CHMP4B: variants seen among roughly 807,000 people sequenced by gnomAD.
CHMP4B encodes SNF7 homolog associated with Alix 1.
CHMP4B carries 1 observed loss-of-function variant against 25.1 expected under a neutral mutation model. That is an observed-to-expected ratio of 0.04 (90% CI 0.01 to 0.19). The LOEUF (loss-of-function observed/expected upper bound fraction) is 0.19, where lower values mean the gene tolerates loss of function less well. CHMP4B is among the 10% of genes least tolerant of loss of function. The pLI, the probability that CHMP4B is intolerant of heterozygous loss-of-function variation, is 1.00. For synonymous variants in CHMP4B, 101 were observed against 115.6 expected, an observed-to-expected ratio of 0.87 and a Z score of 0.81; for missense variants, 151 against 289.7, an observed-to-expected ratio of 0.52 and a Z score of 3.48.
Position 33,811,357 on chromosome 20 carries a change from T to TGCGGCGGCAGGGA in CHMP4B, c.-104_-92dup. On this transcript the variant is annotated 5_prime_UTR_variant, in exon 1 of 5. Transcript: ENST00000217402. ...CGGAGGCGGAGGCGGAGGAGAGGCC[T>TGCGGCGGCAGGGA]GCGGCGGCAGGGAGCGGCGGGACTG... The TGCGGCGGCAGGGA allele has an allele frequency of 1.1e-6, 1 of 932,364 alleles. No individual in the cohort carries two copies. The highest frequency in any genetic ancestry group is 1.4e-6 in the Non-Finnish European group (1 of 721,492). 57.8% of individuals were successfully genotyped at this position (932,364 alleles called of 1,614,324 possible).
chr20:33,847,278 G>A (rs1874846106), intron 1 of CHMP4B, among the ~76,000 whole-genome samples: 1 of 148,806 alleles, frequency 6.7e-6, no homozygotes, highest in African/African-American at 2.5e-5. Context: ...TTTCTTCTTA[G>A]ATGTACTGTT....
intron 1 of CHMP4B, among the ~76,000 whole-genome samples, chr20:33,830,346 G>C (rs1331801199): frequency 6.6e-6 from 1 of 152,134 alleles, no homozygotes; most frequent in African/African-American, 2.4e-5. Context: ...ATTTTGAATG[G>C]CTTGGACATC....
intron 1 of CHMP4B, among the ~76,000 whole-genome samples, chr20:33,816,319 A>G (rs1031265422): frequency 2.0e-5 from 3 of 152,214 alleles, no homozygotes; most frequent in Non-Finnish European, 2.9e-5. Context: ...TTCATCTCAC[A>G]TGCCTATGGT....
intron 1 of CHMP4B, among the ~76,000 whole-genome samples, chr20:33,812,295 GAGGCCTA>G (rs1405033946): frequency 6.6e-6 from 1 of 152,168 alleles, no homozygotes; most frequent in East Asian, 1.9e-4. Flanking sequence ...GGCCTCTGTT[GAGGCCTA>G]AGGTGTTTTC....
At position 33,811,572 on chromosome 20, in the gene CHMP4B, T is replaced by A. The variant is rs1978614232; in HGVS notation, c.104T>A (p.Met35Lys). 2.5e-6 allele frequency: 4 copies of A among 1,613,616 alleles called. No homozygotes were observed. Among genetic ancestry groups the A allele is most frequent in the Non-Finnish European group, 3.4e-6 (4 of 1,179,864 alleles). Reference sequence around the variant, plus strand: ...CAGCGGCTGCGGGACACGGAAGAGATGTTAAGCAAGAAACAGGAGTTCCTG... The same window carrying A: ...CAGCGGCTGCGGGACACGGAAGAGAAGTTAAGCAAGAAACAGGAGTTCCTG... ...AIQRLRDTEEMLSKKQEFLEK... is the reference protein window; with the variant it reads ...AIQRLRDTEEKLSKKQEFLEK... The change falls in exon 1 of 5, where the codon ATG (methionine) becomes AAG (lysine). Residue 35 changes from methionine to lysine, a missense_variant. Around this residue, in one of 3 missense-constraint regions of CHMP4B, gnomAD observed 82 missense variants for 208.3 expected, o/e 0.39. Transcript: ENST00000217402.
chr20:33,841,078 G>C lies in CHMP4B; in HGVS notation c.191-7389G>C, dbSNP rs973703008. On this transcript the variant is annotated intron_variant, in intron 1 of 4. Transcript: ENST00000217402. ...GTTTGTATTGTTTAAATGATTTGGA[G>C]CGTTTGATATTCTGTTAGGTTGTTA... Among the ~76,000 whole-genome samples, 5 of 152,194 alleles carry C rather than the reference G, an allele frequency of 3.3e-5. No homozygotes were observed. The South Asian group carries it at 1.0e-3, about 31-fold the overall frequency.
intron 1 of CHMP4B, among the ~76,000 whole-genome samples, chr20:33,832,877 CA>C (rs1979292857): frequency 6.6e-6 from 1 of 151,016 alleles, no homozygotes; most frequent in Admixed American, 6.6e-5. Flanking sequence ...CTCCTGGTCT[CA>C]AGCAATCCTC....
intron 1 of CHMP4B, among the ~76,000 whole-genome samples, chr20:33,826,140 A>G (rs371892130): frequency 4.6e-5 from 7 of 152,160 alleles, no homozygotes; most frequent in African/African-American, 1.7e-4. Flanking sequence ...CACGCCTACC[A>G]TTGGTATTCA....
intron 1 of CHMP4B, 131 bp downstream of exon 1, chr20:33,811,789 G>T: frequency 1.1e-6 from 1 of 943,188 alleles, no homozygotes; most frequent in Non-Finnish European, 1.7e-6. Context: ...ACTTCTTGCC[G>T]GGTCTGGGAC....
chr20:33,813,399 A>G (rs192666883), intron 1 of CHMP4B, among the ~76,000 whole-genome samples: 16 of 150,308 alleles, frequency 1.1e-4, no homozygotes, highest in Non-Finnish European at 1.8e-4. Flanking sequence ...TTATTGACAG[A>G]GTTTTTAAAA....
At chr20:33,812,730 T>A (rs1328575224) in intron 1 of CHMP4B, among the ~76,000 whole-genome samples, 1 of 152,200 alleles carries the variant, frequency 6.6e-6, no homozygotes, top group African/African-American at 2.4e-5. Flanking sequence ...CAGTGCGACC[T>A]TGAGCTCATT....
At chr20:33,850,757 C>A (rs768718785) in intron 2 of CHMP4B, among the ~76,000 whole-genome samples, 195 bp from the exon 3 acceptor site, 1 of 152,202 alleles carries the variant, frequency 6.6e-6, no homozygotes, top group Non-Finnish European at 1.5e-5. Flanking sequence ...ACATTCCCGT[C>A]CCCTTGAGTC....
intron 1 of CHMP4B, among the ~76,000 whole-genome samples, chr20:33,843,519 G>A (rs758373516): frequency 4.6e-5 from 7 of 152,082 alleles, no homozygotes; most frequent in African/African-American, 1.4e-4. Context: ...TCTTTAACTC[G>A]GTACTTGTTT....
intron 3 of CHMP4B, among the ~76,000 whole-genome samples, chr20:33,851,469 T>C (rs1004739161): frequency 2.6e-5 from 4 of 152,062 alleles, no homozygotes; most frequent in African/African-American, 9.7e-5. Flanking sequence ...TGACCCGGGG[T>C]ATCTGTCTAG....
chr20:33,839,295 G>A (rs1979471327), intron 1 of CHMP4B, among the ~76,000 whole-genome samples: 1 of 152,142 alleles, frequency 6.6e-6, no homozygotes, highest in South Asian at 2.1e-4. Flanking sequence ...GGGCGTTATG[G>A]AGTGCCCCTC....
At chr20:33,840,873 C>T (rs1454619797) in intron 1 of CHMP4B, among the ~76,000 whole-genome samples, 1 of 152,162 alleles carries the variant, frequency 6.6e-6, no homozygotes, top group African/African-American at 2.4e-5. Context: ...CTATGAGGTG[C>T]GTGTTGTTAT....
At chr20:33,838,584 C>T (rs1601324941) in intron 1 of CHMP4B, among the ~76,000 whole-genome samples, 2 of 152,172 alleles carry the variant, frequency 1.3e-5, no homozygotes, top group East Asian at 3.8e-4. Context: ...CAAATGAAGA[C>T]ATATCTGTGG....
At position 33,848,684 on chromosome 20, in the gene CHMP4B, G is replaced by T. The variant is rs115826891; in HGVS notation, c.368+40G>T. The T allele has an allele frequency of 3.8e-4, 616 of 1,610,412 alleles. 4 individuals are homozygous for T. The African/African-American group carries it at 7.9e-3, about 21-fold the overall frequency. ...GCCCCTGCGCCACAGGGCAGTGCTAGTCCCGGAATGCCTCGTACCCAGGCC... is the reference window on the plus strand; with the variant it reads ...GCCCCTGCGCCACAGGGCAGTGCTATTCCCGGAATGCCTCGTACCCAGGCC... On this transcript the variant is annotated intron_variant, in intron 2 of 4. Coordinates refer to ENST00000217402, the MANE Select transcript of CHMP4B (RefSeq NM_176812.5).
chr20:33,835,209 T>A (rs187600443), intron 1 of CHMP4B, among the ~76,000 whole-genome samples: 1 of 152,358 alleles, frequency 6.6e-6, no homozygotes, highest in African/African-American at 2.4e-5. Flanking sequence ...ATCTTTGTCA[T>A]CTTTATTTCA....
Sources: gnomAD v4.1 joint callset for allele counts (sites outside exome capture counted in the v4.1 genomes callset) on GRCh38, gnomAD v4.1.1 for gene constraint, gnomAD v4.1.1 regional missense constraint, MANE v1.5 for transcripts, NCBI Gene and HGNC (gene_info 2026-07-23, HGNC 2026-07-21) for gene names.